FMN2: variants seen among roughly 807,000 people sequenced by gnomAD.
FMN2 encodes the protein formin-2.
FMN2 carries 51 observed loss-of-function variants against 142.3 expected under a neutral mutation model. The observed-to-expected ratio is 0.36, with a 90% CI of 0.29 to 0.45. The LOEUF (loss-of-function observed/expected upper bound fraction) is 0.45. FMN2 is among the 20% of genes least tolerant of loss of function. The pLI, the probability that FMN2 is intolerant of heterozygous loss-of-function variation, is 1.00. For synonymous variants in FMN2, 882 were observed against 869.8 expected, an observed-to-expected ratio of 1.01 and a Z score of -0.25; for missense variants, 1,936 against 2,122.8, an observed-to-expected ratio of 0.91 and a Z score of 1.73.
intron 15 of FMN2, among the ~76,000 whole-genome samples, chr1:240,426,927 T>TG (rs1470524609): frequency 6.6e-6 from 1 of 151,752 alleles, no homozygotes; most frequent in Admixed American, 6.6e-5. Context: ...TTAGTAGAGA[T>TG]GGGGTTTCAC....
intron 14 of FMN2, among the ~76,000 whole-genome samples, chr1:240,358,602 A>G (rs1672355551): frequency 6.7e-6 from 1 of 148,162 alleles, no homozygotes; most frequent in African/African-American, 2.5e-5. Context: ...AGGGGAAGCA[A>G]GGCATCTTCT....
At chr1:240,394,622 T>C (rs1673710548) in intron 15 of FMN2, among the ~76,000 whole-genome samples, 1 of 152,176 alleles carries the variant, frequency 6.6e-6, no homozygotes. Context: ...TGGAAGAAGA[T>C]GCCATCTAGG....
rs1171200010 is a variant in FMN2, at chr1:240,092,720, G to T, written c.611G>T (p.Arg204Leu). 3.1e-6 allele frequency: 5 copies of T among 1,613,012 alleles called. No individual in the cohort carries two copies. Among genetic ancestry groups the T allele is most frequent in the Non-Finnish European group, 4.2e-6 (5 of 1,179,794 alleles). The change falls in exon 1 of 18, where the codon CGC (arginine) becomes CTC (leucine). Residue 204 changes from arginine (R) to leucine (L), a missense_variant. Around this residue, in one of 8 missense-constraint regions of FMN2, gnomAD observed 751 missense variants for 791.8 expected, o/e 0.95. Coordinates refer to ENST00000319653, the MANE Select transcript of FMN2 (RefSeq NM_020066.5). ...CTTTCAGACATCCAGCAGGCGATCCGCCTGCAGCAGCAGCAGCAGCAGCAG... is the reference window on the plus strand; with the variant it reads ...CTTTCAGACATCCAGCAGGCGATCCTCCTGCAGCAGCAGCAGCAGCAGCAG... ...DLLSDIQQAI[R>L]LQQQQQQQLQ...
At chr1:240,194,914 T>TA (rs1227179051) in intron 4 of FMN2, among the ~76,000 whole-genome samples, 2 of 151,312 alleles carry the variant, frequency 1.3e-5, no homozygotes, top group African/African-American at 4.9e-5. Flanking sequence ...TTCTCATCTA[T>TA]AAAATGGGTA....
intron 1 of FMN2, among the ~76,000 whole-genome samples, chr1:240,120,979 G>A (rs1662215099): frequency 6.6e-6 from 1 of 152,108 alleles, no homozygotes. Flanking sequence ...CCAATATGGT[G>A]AAACCCCATT....
intron 6 of FMN2, among the ~76,000 whole-genome samples, chr1:240,215,191 T>C (rs1439817327): frequency 6.6e-6 from 1 of 152,198 alleles, no homozygotes; most frequent in African/African-American, 2.4e-5. Flanking sequence ...CATAAGGAAA[T>C]ATATTTTGGT....
At chr1:240,276,299 C>T (rs917438495) in intron 7 of FMN2, among the ~76,000 whole-genome samples, 9 of 152,078 alleles carry the variant, frequency 5.9e-5, no homozygotes, top group Admixed American at 3.3e-4. Context: ...GAGGTCTTGT[C>T]ATTTGCATAT....
chr1:240,320,229 C>T (rs1670926893), intron 8 of FMN2, among the ~76,000 whole-genome samples: 1 of 152,104 alleles, frequency 6.6e-6, no homozygotes, highest in African/African-American at 2.4e-5. Context: ...ACGATGTCAT[C>T]TTGGAAGGGA....
chr1:240,104,112 T>G (rs1465603423), intron 1 of FMN2, among the ~76,000 whole-genome samples: 1 of 151,104 alleles, frequency 6.6e-6, no homozygotes, highest in African/African-American at 2.4e-5. Context: ...TCTCCTGACC[T>G]CGTGATCCGC....
rs75742377 is a variant in FMN2 at position 240,128,196 on chromosome 1, G to C, written c.1782+4851G>C. ...AGATCATGGTATATTTCAGTGGTCT[G>C]AAGCTAGGCTTCTTTGTGTATTTGG... On this transcript the variant is annotated intron_variant, in intron 2 of 17. Coordinates refer to ENST00000319653, the MANE Select transcript of FMN2 (RefSeq NM_020066.5). Among the ~76,000 whole-genome samples, 1,384 of 152,264 alleles carry C rather than the reference G, an allele frequency of 9.1e-3. 23 individuals are homozygous for C. Among genetic ancestry groups the C allele is most frequent in the African/African-American group, 0.031 (1,302 of 41,558 alleles).
chr1:240,092,916 C>T lies in FMN2; in HGVS notation c.807C>T (p.Thr269=). Residue 269 remains threonine (T), a synonymous_variant, in exon 1 of 18, where the codon ACC becomes ACT. Coordinates refer to ENST00000319653, the MANE Select transcript of FMN2 (RefSeq NM_020066.5). ...GGGAGGCCCCGGGCAGTCCGGACAC[C>T]GAGCAGGCGCTGTCCGCGCTCTCCG... ...GAGEAPGSPD[T]EQALSALSDL... 1 of 1,479,872 alleles carries T rather than the reference C, an allele frequency of 6.8e-7. No homozygotes were observed. Among genetic ancestry groups the T allele is most frequent in the Non-Finnish European group, 8.9e-7 (1 of 1,123,248 alleles). 91.7% of individuals were successfully genotyped at this position (1,479,872 alleles called of 1,614,324 possible). A position where few individuals can be genotyped will look rare whatever the true frequency, so the allele number is the denominator to read the frequency against.
chr1:240,433,896 T>G (rs1675265088), intron 15 of FMN2, among the ~76,000 whole-genome samples: 2 of 152,222 alleles, frequency 1.3e-5, no homozygotes, highest in South Asian at 4.1e-4. Flanking sequence ...CTGTTAGCTT[T>G]GATTTTTAAT....
chr1:240,276,717 A>G (rs1669225811), intron 7 of FMN2, among the ~76,000 whole-genome samples: 1 of 152,156 alleles, frequency 6.6e-6, no homozygotes. Context: ...ATTTTCCACA[A>G]TCATGTAAGT....
intron 15 of FMN2, among the ~76,000 whole-genome samples, chr1:240,410,241 C>G (rs1160540620): frequency 6.6e-6 from 1 of 151,888 alleles, no homozygotes. Context: ...AGTGTTTCTT[C>G]TTTTGTAATT....
chr1:240,269,836 C>T (rs1022807303), intron 7 of FMN2, among the ~76,000 whole-genome samples: 2 of 151,658 alleles, frequency 1.3e-5, no homozygotes, highest in African/African-American at 4.8e-5. Context: ...CTTTTTCAGA[C>T]TGTTGTTAGT....
chr1:240,323,743 C>T (rs1671059931), intron 8 of FMN2, among the ~76,000 whole-genome samples: 2 of 152,216 alleles, frequency 1.3e-5, no homozygotes, highest in Non-Finnish European at 2.9e-5. Flanking sequence ...TCTCACATCT[C>T]TGCTGGCTTC....
At chr1:240,370,841 A>G (rs1672840590) in intron 14 of FMN2, among the ~76,000 whole-genome samples, 1 of 152,258 alleles carries the variant, frequency 6.6e-6, no homozygotes, top group African/African-American at 2.4e-5. Flanking sequence ...GAATAATGTT[A>G]GTATAATAAA....
chr1:240,228,813 A>G (rs904261848), intron 6 of FMN2, among the ~76,000 whole-genome samples: 35 of 152,162 alleles, frequency 2.3e-4, no homozygotes, highest in Non-Finnish European at 4.9e-4. Flanking sequence ...CTAAAAATAA[A>G]TGGTCAAAAG....
intron 4 of FMN2, among the ~76,000 whole-genome samples, chr1:240,193,503 T>G (rs760371790): frequency 6.6e-6 from 1 of 152,210 alleles, no homozygotes; most frequent in Non-Finnish European, 1.5e-5. Flanking sequence ...CAAATCGTCA[T>G]TTTTGGATAG....
Sources: gnomAD v4.1 joint callset for allele counts (sites outside exome capture counted in the v4.1 genomes callset) on GRCh38, gnomAD v4.1.1 for gene constraint, gnomAD v4.1.1 regional missense constraint, MANE v1.5 for transcripts, NCBI Gene and HGNC (gene_info 2026-07-23, HGNC 2026-07-21) for gene names.